Variants in COL22A1 observed in about 807,000 individuals in gnomAD.
The protein encoded by COL22A1 is collagen alpha-1(XXII) chain.
Under a neutral mutation model 248.9 loss-of-function variants are expected in COL22A1, and 221 were observed. The observed-to-expected ratio is 0.89, with a 90% CI of 0.80 to 0.99. The LOEUF (loss-of-function observed/expected upper bound fraction) is 0.99. COL22A1 is among the 50% of genes least tolerant of loss of function. COL22A1 has a pLI of 0.00. For synonymous variants in COL22A1, 891 were observed against 793.4 expected (o/e 1.12, Z -2.07); for missense variants, 2,240 against 2,179.0 (o/e 1.03, Z -0.56).
chr8:138,679,714 C>G, intron 39 of COL22A1, 38 bp from the exon 40 acceptor site: 5 of 1,579,688 alleles, frequency 3.2e-6, no homozygotes, highest in Non-Finnish European at 4.4e-6. Flanking sequence ...CTTCACCAAA[C>G]AAATGTTTAC....
At chr8:138,599,018 G>A (rs1817771713) in intron 60 of COL22A1, 120 bp from the exon 61 acceptor site, 2 of 1,034,880 alleles carry the variant, frequency 1.9e-6, no homozygotes, top group Non-Finnish European at 2.9e-6. Flanking sequence ...CCTTGGCCCT[G>A]GGTGGCCCAT....
At chr8:138,684,276 G>A (rs1826174386) in intron 39 of COL22A1, 149 bp downstream of exon 39, 2 of 627,010 alleles carry the variant, frequency 3.2e-6, no homozygotes, top group Admixed American at 2.6e-5. Context: ...AAAAAAAAAA[G>A]TCCTAGAACC....
At position 138,812,959 on chromosome 8, in the gene COL22A1, A is replaced by C. The variant is rs1818366867; in HGVS notation, c.1306T>G (p.Cys436Gly). The change falls in exon 8 of 65, where the codon TGT becomes GGT. Residue 436 changes from cysteine to glycine, a missense_variant. Coordinates refer to ENST00000303045, the MANE Select transcript of COL22A1 (RefSeq NM_152888.3). ...DSRHAELETC[C>G]DIPSGPCQVT... The stretch of plus-strand genomic sequence containing the variant: ...CTCACCGGACCCGAGGGGATATCAC[A>C]ACAAGTCTCCAATTCTGCGTGTCTC... 1 of 1,613,490 alleles carries C rather than the reference A, an allele frequency of 6.2e-7. No homozygotes were observed. Among genetic ancestry groups the C allele is most frequent in the Admixed American group, 1.7e-5 (1 of 59,996 alleles).
At chr8:138,615,937 G>A in intron 55 of COL22A1, 64 bp downstream of exon 55, 1 of 1,225,752 alleles carries the variant, frequency 8.2e-7, no homozygotes. Context: ...GTTTCTGGGT[G>A]TCACTTCCTT....
chr8:138,822,968 T>C (rs1819271206), intron 6 of COL22A1, among the ~76,000 whole-genome samples: 2 of 152,232 alleles, frequency 1.3e-5, no homozygotes, highest in African/African-American at 4.8e-5. Context: ...TTAACCCTTA[T>C]CCCTTAACCG....
rs556924598 is a variant in COL22A1 at position 138,651,206 on chromosome 8, T to C, written c.3334-1428A>G. Among the ~76,000 whole-genome samples, 3 of 152,326 alleles carry C rather than the reference T, an allele frequency of 2.0e-5. No homozygotes were observed. The East Asian group carries it at 5.8e-4, about 29-fold the overall frequency. On this transcript the variant is annotated intron_variant, in intron 45 of 64. Coordinates refer to ENST00000303045, the MANE Select transcript of COL22A1 (RefSeq NM_152888.3). ...CCTCAGGATGGGGACAGGCTCTTCCTGCTCCCAGAAATCTCAGGAATCCTC... is the reference window on the plus strand; with the variant it reads ...CCTCAGGATGGGGACAGGCTCTTCCCGCTCCCAGAAATCTCAGGAATCCTC...
chr8:138,796,839 G>A lies in COL22A1; in HGVS notation c.1576C>T (p.Gln526Ter). ...KGDVGIGPFG[Q>*]GEKGEKGSLG... is the part of the protein sequence containing the mutation. The stretch of plus-strand genomic sequence containing the variant: ...CTTACCTTTTCACCCTTTTCCCCTT[G>A]GCCAAAAGGTCCTATGCCCTAGAAA... The change falls in exon 12 of 65, where the codon CAA (glutamine) becomes TAA (stop). Residue 526 changes from glutamine to a stop codon, truncating the protein, a stop_gained. Coordinates refer to ENST00000303045, the MANE Select transcript of COL22A1 (RefSeq NM_152888.3). LOFTEE classifies it high-confidence loss of function. 1.2e-6 allele frequency: 2 copies of A among 1,600,884 alleles called. No individual in the cohort carries two copies. The highest frequency in any genetic ancestry group is 1.7e-6 in the Non-Finnish European group (2 of 1,168,228).
intron 58 of COL22A1, 34 bp downstream of exon 58, chr8:138,606,347 G>T: frequency 6.3e-7 from 1 of 1,589,540 alleles, no homozygotes. Context: ...CCTGGAGCCA[G>T]GTATCTTGGG....
chr8:138,806,149 T>A (rs1226411040), intron 10 of COL22A1, among the ~76,000 whole-genome samples: 24 of 73,994 alleles, frequency 3.2e-4, no homozygotes, highest in East Asian at 7.6e-4. Context: ...GGTGTGTGTG[T>A]GATGGTGTGT....
chr8:138,708,588 A>G (rs1055471073), intron 30 of COL22A1, among the ~76,000 whole-genome samples: 1 of 152,252 alleles, frequency 6.6e-6, no homozygotes, highest in Non-Finnish European at 1.5e-5. Context: ...AGCCATATGT[A>G]GAAAGCTGAA....
At chr8:138,900,426 A>T (rs1029969805) in intron 1 of COL22A1, among the ~76,000 whole-genome samples, 2 of 152,258 alleles carry the variant, frequency 1.3e-5, no homozygotes, top group Non-Finnish European at 2.9e-5. Flanking sequence ...AGATGACTGG[A>T]GGAGGAGACA....
chr8:138,700,767 G>A (rs755890018), intron 31 of COL22A1, among the ~76,000 whole-genome samples: 1 of 152,076 alleles, frequency 6.6e-6, no homozygotes, highest in Non-Finnish European at 1.5e-5. Context: ...GGCGGATCAC[G>A]AGGTCAGGAG....
At chr8:138,907,136 C>A (rs1464519699) in intron 1 of COL22A1, among the ~76,000 whole-genome samples, 1 of 152,184 alleles carries the variant, frequency 6.6e-6, no homozygotes. Context: ...CAAATGTGCC[C>A]AACACAGAGG....
rs372407599 is a variant in COL22A1, at chr8:138,802,866, A to G, written c.1557+6T>C. On this transcript the variant is annotated splice_donor_region_variant and intron_variant, in intron 11 of 64. Transcript: ENST00000303045. ...CAGCCATGTAGAGGAGCAGCCATCT[A>G]CTCACCACATCACCTTTCTCTCCCT... 1 of 1,610,938 alleles carries G rather than the reference A, an allele frequency of 6.2e-7. No individual in the cohort carries two copies. The highest frequency in any genetic ancestry group is 1.3e-5 in the African/African-American group (1 of 74,770).
intron 3 of COL22A1, among the ~76,000 whole-genome samples, chr8:138,863,630 C>A (rs118110046): frequency 1.3e-5 from 2 of 152,258 alleles, no homozygotes; most frequent in East Asian, 1.9e-4. Flanking sequence ...GGGGTGAGAA[C>A]GCAACGCGGA....
chr8:138,648,743 C>A (rs546541401), intron 46 of COL22A1, among the ~76,000 whole-genome samples: 6 of 152,200 alleles, frequency 3.9e-5, no homozygotes, highest in Admixed American at 1.3e-4. Context: ...CATAAAGATG[C>A]AAGAAGTTTA....
chr8:138,901,557 G>A (rs1203164806), intron 1 of COL22A1, among the ~76,000 whole-genome samples: 1 of 151,872 alleles, frequency 6.6e-6, no homozygotes, highest in Non-Finnish European at 1.5e-5. Flanking sequence ...TGTAGAGACA[G>A]GGTTTCACCA....
chr8:138,891,020 TA>T (rs889769967), intron 1 of COL22A1, among the ~76,000 whole-genome samples: 129 of 142,172 alleles, frequency 9.1e-4, no homozygotes, highest in East Asian at 5.5e-3. Context: ...AGACTCCGTA[TA>T]AAAAAAAAAA....
intron 15 of COL22A1, among the ~76,000 whole-genome samples, chr8:138,777,635 T>C (rs1814593120): frequency 6.6e-6 from 1 of 152,200 alleles, no homozygotes; most frequent in Non-Finnish European, 1.5e-5. Context: ...TTTCTGTTCC[T>C]GTGTTAGTTT....
Sources: gnomAD v4.1 joint callset for allele counts (sites outside exome capture counted in the v4.1 genomes callset) on GRCh38, gnomAD v4.1.1 for gene constraint, MANE v1.5 for transcripts, NCBI Gene and HGNC (gene_info 2026-07-23, HGNC 2026-07-21) for gene names.